Variants in TP63 observed in about 807,000 individuals in gnomAD.
The protein encoded by TP63 is tumor protein p63.
In TP63, 17 loss-of-function variants were observed where a neutral mutation model predicts 82.8. The observed-to-expected ratio is 0.21, with a 90% confidence interval of 0.14 to 0.31. The LOEUF (loss-of-function observed/expected upper bound fraction) is 0.31, where lower values mean the gene tolerates loss of function less well. TP63 is among the 10% of genes least tolerant of loss of function. The pLI is 1.00. For synonymous variants in TP63, 330 were observed against 321.7 expected, an observed-to-expected ratio of 1.03 and a Z score of -0.28; for missense variants, 648 against 895.3, an observed-to-expected ratio of 0.72 and a Z score of 3.52.
chr3:189,638,696 T>C (rs1711547080), intron 1 of TP63, among the ~76,000 whole-genome samples: 1 of 152,112 alleles, frequency 6.6e-6, no homozygotes, highest in South Asian at 2.1e-4. Context: ...TTGATTCGGG[T>C]GGTTATCAGA....
chr3:189,817,081 G>C (rs1379126797), intron 4 of TP63, among the ~76,000 whole-genome samples: 1 of 151,684 alleles, frequency 6.6e-6, no homozygotes, highest in Non-Finnish European at 1.5e-5. Context: ...GACCTTAATT[G>C]CTAATTGTGT....
At chr3:189,731,163 G>A (rs954097837) in intron 1 of TP63, among the ~76,000 whole-genome samples, 1 of 152,086 alleles carries the variant, frequency 6.6e-6, no homozygotes, top group East Asian at 1.9e-4. Context: ...GGCCAACATG[G>A]TGAAACCCCA....
chr3:189,828,722 G>C (rs879478423), intron 4 of TP63, among the ~76,000 whole-genome samples: 3 of 152,158 alleles, frequency 2.0e-5, no homozygotes. Flanking sequence ...TGGCTAGGCC[G>C]TTTTGCTGCT....
intron 4 of TP63, among the ~76,000 whole-genome samples, chr3:189,830,447 T>G (rs1712149125): frequency 6.6e-6 from 1 of 152,208 alleles, no homozygotes; most frequent in South Asian, 2.1e-4. Context: ...TCAGCATTAA[T>G]TTTATTGGAC....
intron 1 of TP63, among the ~76,000 whole-genome samples, chr3:189,654,244 T>TAAA (rs918058497): frequency 1.4e-4 from 19 of 136,200 alleles, no homozygotes; most frequent in African/African-American, 4.6e-4. Flanking sequence ...AAGCCTTTTG[T>TAAA]AAAAAAAAAA....
chr3:189,738,018 A>T lies in TP63; in HGVS notation c.191+150A>T, dbSNP rs565172897. On this transcript the variant is annotated intron_variant, in intron 2 of 13. Coordinates refer to ENST00000264731, the MANE Select transcript of TP63 (RefSeq NM_003722.5). The stretch of plus-strand genomic sequence containing the variant: ...GACTCCAATGCCATCTCTTTGTTCA[A>T]ATTCAGTGGTGATTTTTTTCCATTT... The T allele has an allele frequency of 1.6e-4, 160 of 983,522 alleles. 1 individual carries two copies. In the African/African-American group the frequency reaches 2.3e-3, roughly 14 times the overall value. 60.9% of individuals were successfully genotyped at this position (983,522 alleles called of 1,614,324 possible).
intron 1 of TP63, among the ~76,000 whole-genome samples, chr3:189,658,734 A>G (rs1287372319): frequency 6.6e-6 from 1 of 152,098 alleles, no homozygotes; most frequent in Non-Finnish European, 1.5e-5. Flanking sequence ...TAAGAGCCAA[A>G]TGAGATATGA....
At chr3:189,841,448 C>G (rs1714104993) in intron 4 of TP63, among the ~76,000 whole-genome samples, 1 of 152,114 alleles carries the variant, frequency 6.6e-6, no homozygotes, top group Non-Finnish European at 1.5e-5. Flanking sequence ...ACATAGTCTC[C>G]CATTTCTTCT....
At chr3:189,868,935 G>C (rs1382153337) in intron 8 of TP63, among the ~76,000 whole-genome samples, 1 of 152,168 alleles carries the variant, frequency 6.6e-6, no homozygotes, top group African/African-American at 2.4e-5. Flanking sequence ...CAATTTCTCA[G>C]TCCAGGGATT....
chr3:189,616,514 T>C, the TP63 span, among the ~76,000 whole-genome samples: 1 of 152,194 alleles, frequency 6.6e-6, no homozygotes, highest in Admixed American at 6.5e-5. Context: ...TTTCAGACCT[T>C]TTCTACCTCC....
intron 4 of TP63, among the ~76,000 whole-genome samples, chr3:189,850,064 T>C (rs1178402568): frequency 6.6e-6 from 1 of 152,118 alleles, no homozygotes; most frequent in Non-Finnish European, 1.5e-5. Flanking sequence ...TGGATCACAC[T>C]TGAGGTCAGG....
At chr3:189,672,774 A>G (rs1353976701) in intron 1 of TP63, among the ~76,000 whole-genome samples, 1 of 152,128 alleles carries the variant, frequency 6.6e-6, no homozygotes, top group Non-Finnish European at 1.5e-5. Flanking sequence ...ATAAAAATAA[A>G]GTATGAGCAG....
chr3:189,722,615 A>G (rs970781287), intron 1 of TP63, among the ~76,000 whole-genome samples: 1 of 141,262 alleles, frequency 7.1e-6, no homozygotes, highest in African/African-American at 2.6e-5. Context: ...CACAGTGCAC[A>G]GTGTGATAGT....
intron 1 of TP63, among the ~76,000 whole-genome samples, chr3:189,678,187 T>C (rs1432591445): frequency 6.6e-6 from 1 of 152,080 alleles, no homozygotes; most frequent in Non-Finnish European, 1.5e-5. Context: ...TCCCAAGTGT[T>C]TTTTCTAGAT....
At chr3:189,874,190 C>T (rs1448983898) in intron 10 of TP63, among the ~76,000 whole-genome samples, 2 of 152,076 alleles carry the variant, frequency 1.3e-5, no homozygotes, top group South Asian at 2.1e-4. Context: ...CTGCCTCAGC[C>T]TCCCGAGTAG....
intron 3 of TP63, among the ~76,000 whole-genome samples, chr3:189,756,204 G>T (rs2108529806): frequency 6.6e-6 from 1 of 152,192 alleles, no homozygotes; most frequent in South Asian, 2.1e-4. Flanking sequence ...AACATAATTT[G>T]TGTCAAATAG....
chr3:189,836,755 T>G (rs769092351), intron 4 of TP63, among the ~76,000 whole-genome samples: 38 of 152,182 alleles, frequency 2.5e-4, no homozygotes, highest in Non-Finnish European at 4.6e-4. Flanking sequence ...AACACTCGCC[T>G]CAGTTCATGG....
intron 10 of TP63, 82 bp downstream of exon 10, chr3:189,873,077 A>G (rs1372653083): frequency 1.9e-6 from 3 of 1,600,194 alleles, no homozygotes; most frequent in African/African-American, 1.3e-5. Flanking sequence ...TTGATGAGCA[A>G]TGTGGAACAT....
chr3:189,669,116 A>G (rs1714663551), intron 1 of TP63, among the ~76,000 whole-genome samples: 1 of 152,070 alleles, frequency 6.6e-6, no homozygotes, highest in South Asian at 2.1e-4. Flanking sequence ...CATCAGAAAA[A>G]TGGACACCAA....
Sources: allele counts gnomAD v4.1 joint callset (sites outside exome capture counted in the v4.1 genomes callset), GRCh38; gene constraint gnomAD v4.1.1; transcripts MANE v1.5; gene names NCBI Gene and HGNC (gene_info 2026-07-23, HGNC 2026-07-21).